The following GAN variants were observed in gnomAD, a reference collection of about 807,000 sequenced individuals.
GAN encodes epididymis secretory sperm binding protein.
GAN carries 48 observed loss-of-function variants against 71.3 expected under a neutral mutation model. The ratio of observed to expected loss-of-function variants is 0.67; its 90% confidence interval spans 0.53 to 0.86. The LOEUF is 0.86. Among genes scored for constraint, GAN ranks in the 40% least tolerant of loss-of-function variants. GAN has a pLI of 0.00. For synonymous variants in GAN, 386 were observed against 276.8 expected (o/e 1.39, Z -3.92); for missense variants, 928 against 770.1 (o/e 1.21, Z -2.43).
Position 81,354,398 on chromosome 16 carries a change from T to C in GAN, c.283-7T>C, listed in dbSNP as rs1597401475. The C allele has an allele frequency of 6.3e-7, 1 of 1,581,452 alleles. No individual in the cohort carries two copies. The highest frequency in any genetic ancestry group is 1.1e-5 in the South Asian group (1 of 90,394). On this transcript the variant is annotated splice_region_variant and splice_polypyrimidine_tract_variant and intron_variant, in intron 2 of 10. Coordinates refer to ENST00000648994, the MANE Select transcript of GAN (RefSeq NM_022041.4). ...TCAAATATAAGATAATTATGCTACT[T>C]TTTTAGATCAGGCTAAATGAAGATA...
intron 1 of GAN, among the ~76,000 whole-genome samples, chr16:81,325,368 G>C (rs768164779): frequency 6.6e-6 from 1 of 152,188 alleles, no homozygotes; most frequent in Non-Finnish European, 1.5e-5. Flanking sequence ...GGTGAAAGGG[G>C]ACAGCAGGGC....
intron 9 of GAN, among the ~76,000 whole-genome samples, chr16:81,369,086 G>A (rs1483286325): frequency 6.6e-6 from 1 of 152,114 alleles, no homozygotes; most frequent in Admixed American, 6.5e-5. Flanking sequence ...TAGCCTAGAT[G>A]CCCCTCTACT....
At chr16:81,320,297 A>C (rs1347095839) in intron 1 of GAN, among the ~76,000 whole-genome samples, 1 of 152,244 alleles carries the variant, frequency 6.6e-6, no homozygotes, top group Non-Finnish European at 1.5e-5. Flanking sequence ...TCACATGGGC[A>C]CTAAAGTCCG....
chr16:81,376,830 T>G (rs983872927), intron 9 of GAN, among the ~76,000 whole-genome samples: 3 of 152,078 alleles, frequency 2.0e-5, no homozygotes, highest in African/African-American at 7.2e-5. Context: ...TGAACCATAA[T>G]TGTGCCACTG....
In GAN at chr16:81,377,956, G is replaced by C. The variant is rs886052339; in HGVS notation, c.*360G>C. On this transcript the variant is annotated 3_prime_UTR_variant, in exon 11 of 11. Coordinates refer to ENST00000648994, the MANE Select transcript of GAN (RefSeq NM_022041.4). ...TGAAGGGAACTCATGTCTGACTGCT[G>C]TATTCAAATACGTAGCTTTGGTAAC... 6.4e-6 allele frequency: 2 copies of C among 314,890 alleles called. No individual in the cohort carries two copies. Among genetic ancestry groups the C allele is most frequent in the Non-Finnish European group, 1.2e-5 (2 of 163,968 alleles). 19.5% of individuals were successfully genotyped at this position (314,890 alleles called of 1,614,324 possible).
intron 9 of GAN, among the ~76,000 whole-genome samples, chr16:81,368,052 A>C (rs1031894029): frequency 1.8e-4 from 27 of 152,242 alleles, no homozygotes; most frequent in African/African-American, 6.5e-4. Context: ...TTTTTAAGTA[A>C]TCTCTTGTCT....
chr16:81,350,028 A>G (rs1469143356), intron 1 of GAN, among the ~76,000 whole-genome samples: 3 of 152,216 alleles, frequency 2.0e-5, no homozygotes, highest in African/African-American at 4.8e-5. Flanking sequence ...AACAAAAAGC[A>G]TTGACCGAAA....
chr16:81,354,602 T>C lies in GAN; in HGVS notation c.480T>C (p.His160=), dbSNP rs1440332290. The C allele has an allele frequency of 5.0e-6, 8 of 1,614,166 alleles. No individual in the cohort carries two copies. The highest frequency in any genetic ancestry group is 6.8e-6 in the Non-Finnish European group (8 of 1,179,986). ...TTGCCACAGAATACCTGGAGACTCA[T>C]TTCCGAGACGTCAGCAGCACGGAAG... ...HYLATEYLET[H]FRDVSSTEEF... is the part of the protein sequence containing the mutation. The change falls in exon 3 of 11, where the codon CAT becomes CAC. Residue 160 remains histidine (H), a synonymous_variant. Transcript: ENST00000648994.
At chr16:81,317,534 G>T (rs1204572487) in intron 1 of GAN, among the ~76,000 whole-genome samples, 1 of 152,214 alleles carries the variant, frequency 6.6e-6, no homozygotes, top group Admixed American at 6.5e-5. Flanking sequence ...GTCTTCAAAG[G>T]TAGTACCCAT....
chr16:81,352,198 C>T lies in GAN; in HGVS notation c.282+501C>T, dbSNP rs940650573. Among the ~76,000 whole-genome samples, 6 of 152,180 alleles carry T rather than the reference C, an allele frequency of 3.9e-5. No individual in the cohort carries two copies. In the South Asian group the frequency reaches 1.0e-3, roughly 26 times the overall value. On this transcript the variant is annotated intron_variant, in intron 2 of 10. Transcript: ENST00000648994. ...ACAGACATGACAAGCACCTTATTCA[C>T]GATGCCCTGGTCCTGTTGCCTCAGT... is the stretch of plus-strand genomic sequence containing the variant.
chr16:81,357,228 A>T (rs1405090967), intron 4 of GAN, among the ~76,000 whole-genome samples: 1 of 152,018 alleles, frequency 6.6e-6, no homozygotes, highest in Non-Finnish European at 1.5e-5. Context: ...TTAGCATTAG[A>T]TATATTTCCT....
chr16:81,333,893 A>G (rs577006692), intron 1 of GAN, among the ~76,000 whole-genome samples: 1 of 152,200 alleles, frequency 6.6e-6, no homozygotes, highest in Non-Finnish European at 1.5e-5. Context: ...GTGCACGTCC[A>G]CAATCCTGGG....
At position 81,347,278 on chromosome 16, in the gene GAN, T is replaced by C. The variant is rs370385437; in HGVS notation, c.168-4305T>C. Among the ~76,000 whole-genome samples the C allele has an allele frequency of 3.9e-5, 6 of 152,194 alleles. No homozygotes were observed. The East Asian group carries it at 5.8e-4, about 15-fold the overall frequency. On this transcript the variant is annotated intron_variant, in intron 1 of 10. Transcript: ENST00000648994. ...TCACTGGAAACTGTACGGGCAGGAA[T>C]AGTAGACAGGAAATACAGGGAGGAA...
chr16:81,348,569 C>T (rs1910197502), intron 1 of GAN, among the ~76,000 whole-genome samples: 1 of 152,204 alleles, frequency 6.6e-6, no homozygotes, highest in Admixed American at 6.5e-5. Context: ...TTCAGAGTAG[C>T]TGAGCAGCAT....
At chr16:81,334,152 A>G (rs893290079) in intron 1 of GAN, among the ~76,000 whole-genome samples, 2 of 152,232 alleles carry the variant, frequency 1.3e-5, no homozygotes, top group African/African-American at 4.8e-5. Context: ...ATGCAGAGCA[A>G]AGCTAAATAC....
chr16:81,341,414 C>T (rs1414639184), intron 1 of GAN, among the ~76,000 whole-genome samples: 2 of 152,172 alleles, frequency 1.3e-5, no homozygotes, highest in Non-Finnish European at 2.9e-5. Flanking sequence ...ACAAAGGGAG[C>T]CCATCAGACT....
chr16:81,361,084 A>G (rs1169523087), intron 5 of GAN, among the ~76,000 whole-genome samples: 1 of 152,106 alleles, frequency 6.6e-6, no homozygotes, highest in Admixed American at 6.6e-5. Flanking sequence ...GTAGCTGGGT[A>G]TGTGGTGGCA....
chr16:81,335,630 C>G (rs1909730884), intron 1 of GAN, among the ~76,000 whole-genome samples: 1 of 151,430 alleles, frequency 6.6e-6, no homozygotes, highest in Admixed American at 6.6e-5. Flanking sequence ...ACTTGCAATC[C>G]CAGCTACTCA....
At position 81,381,977 on chromosome 16, in the gene GAN, C is replaced by CCT. The variant is rs1253879274; in HGVS notation, c.*4384_*4385dup. 1 of 152,058 alleles carries CCT rather than the reference C, an allele frequency of 6.6e-6. No individual in the cohort carries two copies. The highest frequency in any genetic ancestry group is 1.5e-5 in the Non-Finnish European group (1 of 68,026). The allele number at this position is 152,058 out of a possible 1,614,324, so 9.4% of individuals were successfully genotyped here. On this transcript the variant is annotated 3_prime_UTR_variant, in exon 11 of 11. Transcript: ENST00000648994. ...ATGATGTACAGTCTTCTGATTGTAC[C>CCT]CTCTATATGGGACTATGAGACCCTC...
Sources: gnomAD v4.1 joint callset for allele counts (sites outside exome capture counted in the v4.1 genomes callset) on GRCh38, gnomAD v4.1.1 for gene constraint, MANE v1.5 for transcripts, NCBI Gene and HGNC (gene_info 2026-07-23, HGNC 2026-07-21) for gene names.